The following CYP27A1 variants were observed in gnomAD, a reference collection of about 807,000 sequenced individuals.
CYP27A1 encodes the protein sterol 26-hydroxylase, mitochondrial.
A neutral mutation model predicts 58.2 loss-of-function variants in CYP27A1; 46 were observed. The ratio of observed to expected loss-of-function variants is 0.79; its 90% CI spans 0.62 to 1.01. The LOEUF is 1.01. Among genes scored for constraint, CYP27A1 ranks in the 50% least tolerant of loss-of-function variants. CYP27A1 has a pLI of 0.00. For missense variants in CYP27A1, 704 were observed against 687.0 expected (o/e 1.02, Z -0.28); for synonymous variants, 274 against 285.1 (o/e 0.96, Z 0.39).
intron 8 of CYP27A1, 63 bp from the exon 9 acceptor site, chr2:218,814,848 C>A: frequency 6.2e-7 from 1 of 1,613,996 alleles, no homozygotes; most frequent in African/African-American, 1.3e-5. Context: ...TAGGAGTGTG[C>A]AGAGCGGGGA....
chr2:218,802,050 A>T (rs144840029), intron 1 of CYP27A1, among the ~76,000 whole-genome samples: 1 of 149,812 alleles, frequency 6.7e-6, no homozygotes, highest in African/African-American at 2.5e-5. Context: ...GTGGGTTCTA[A>T]CTATACTTTC....
At chr2:218,814,506 C>A in intron 7 of CYP27A1, 39 bp from the exon 8 acceptor site, 1 of 1,612,476 alleles carries the variant, frequency 6.2e-7, no homozygotes, top group South Asian at 1.1e-5. Context: ...CCTATGCCCC[C>A]GAAGAGAGGC....
intron 1 of CYP27A1, among the ~76,000 whole-genome samples, chr2:218,808,459 T>A (rs1943673249): frequency 6.6e-6 from 1 of 152,220 alleles, no homozygotes; most frequent in Non-Finnish European, 1.5e-5. Context: ...CCTAGGAGAA[T>A]CCAGTTTTTA....
chr2:218,785,176 G>A (rs1943429589), intron 1 of CYP27A1, among the ~76,000 whole-genome samples: 1 of 152,184 alleles, frequency 6.6e-6, no homozygotes, highest in African/African-American at 2.4e-5. Flanking sequence ...CTTAAGGAGT[G>A]TGCAACCTAG....
At position 218,809,696 on chromosome 2, in the gene CYP27A1, A is replaced by G; in HGVS notation, c.375A>G (p.Pro125=). The G allele has an allele frequency of 6.2e-7, 1 of 1,614,160 alleles. No homozygotes were observed. Among genetic ancestry groups the G allele is most frequent in the Non-Finnish European group, 8.5e-7 (1 of 1,180,018 alleles). The part of the protein sequence containing the change: ...EQVMRQEGKY[P]VRNDMELWKE... The stretch of plus-strand genomic sequence containing the variant: ...TGATGCGGCAAGAGGGCAAGTACCC[A>G]GTACGGAACGACATGGAGCTATGGA... The change falls in exon 2 of 9, where the codon CCA becomes CCG. Residue 125 remains proline, a synonymous_variant. Coordinates refer to ENST00000258415, the MANE Select transcript of CYP27A1 (RefSeq NM_000784.4).
intron 1 of CYP27A1, among the ~76,000 whole-genome samples, chr2:218,784,670 C>T (rs1292830275): frequency 6.6e-6 from 1 of 152,164 alleles, no homozygotes; most frequent in Non-Finnish European, 1.5e-5. Flanking sequence ...CCCTATGAAA[C>T]TTTGTTTCCT....
Position 218,782,423 on chromosome 2 carries a change from C to A in CYP27A1, c.241C>A (p.Leu81Met), listed in dbSNP as rs370498798. 3.9e-5 allele frequency: 63 copies of A among 1,614,120 alleles called. No individual in the cohort carries two copies. Among genetic ancestry groups the A allele is most frequent in the Non-Finnish European group, 5.3e-5 (62 of 1,180,044 alleles). ...GTTCGTTCAAGGCTATGCCCTGCAA[C>A]TGCACCAGTTACAGGTAACCCGCGG... ...QLFVQGYALQ[L>M]HQLQVLYKAK... Residue 81 changes from leucine to methionine, a missense_variant, in exon 1 of 9, where the codon CTG (leucine) becomes ATG (methionine). Transcript: ENST00000258415. This position sits in a 1 kb window ranked among gnomAD's most constrained non-coding sequence, Gnocchi z 4.1.
In CYP27A1 at chr2:218,784,949, A is replaced by G. The variant is rs1044041363; in HGVS notation, c.255+2512A>G. ...CAGTTTTGTGGAAGACAATTTTTCC[A>G]TGGACTGGGGTGGTGGGGATGGTTT... On this transcript the variant is annotated intron_variant, in intron 1 of 8. Coordinates refer to ENST00000258415, the MANE Select transcript of CYP27A1 (RefSeq NM_000784.4). 6.6e-5 allele frequency among the ~76,000 whole-genome samples: 10 copies of G among 152,300 alleles called. No homozygotes were observed. The South Asian group carries it at 1.5e-3, about 22-fold the overall frequency.
In CYP27A1 at chr2:218,809,607, T is replaced by C; in HGVS notation, c.286T>C (p.Trp96Arg). ...TTACAAGGCCAAGTACGGTCCAATGTGGATGTCCTACTTAGGGCCTCAGAT... is the reference window on the plus strand; with the variant it reads ...TTACAAGGCCAAGTACGGTCCAATGCGGATGTCCTACTTAGGGCCTCAGAT... ...VLYKAKYGPM[W>R]MSYLGPQMHV... The change falls in exon 2 of 9, where the codon TGG becomes CGG. Residue 96 changes from tryptophan to arginine, a missense_variant. By Grantham distance (101) the Trp-to-Arg change is moderately radical. Coordinates refer to ENST00000258415, the MANE Select transcript of CYP27A1 (RefSeq NM_000784.4). 1.2e-6 allele frequency: 2 copies of C among 1,614,144 alleles called. No individual in the cohort carries two copies. The highest frequency in any genetic ancestry group is 1.7e-6 in the Non-Finnish European group (2 of 1,180,024).
At chr2:218,797,897 G>A (rs1045016075) in intron 1 of CYP27A1, among the ~76,000 whole-genome samples, 1 of 152,198 alleles carries the variant, frequency 6.6e-6, no homozygotes, top group African/African-American at 2.4e-5. Flanking sequence ...AATTTTGCAA[G>A]ATTAATTTTT....
chr2:218,789,824 A>G (rs2105971675), intron 1 of CYP27A1, among the ~76,000 whole-genome samples: 1 of 152,364 alleles, frequency 6.6e-6, no homozygotes. Context: ...ACTGGGAAAT[A>G]GCAGAGCAGT....
Position 218,809,776 on chromosome 2 carries a change from G to T in CYP27A1, c.446+9G>T, listed in dbSNP as rs1323849927. 6.2e-7 allele frequency: 1 copy of T among 1,611,324 alleles called. No homozygotes were observed. The highest frequency in any genetic ancestry group is 1.3e-5 in the African/African-American group (1 of 74,844). On this transcript the variant is annotated intron_variant, in intron 2 of 8. Transcript: ENST00000258415. ...TATGGGCCGTTCACCACGTGAGCTG[G>T]GGCCTGAAGGGACTGGAACAGGGCC...
intron 1 of CYP27A1, among the ~76,000 whole-genome samples, chr2:218,788,704 C>A (rs541177063): frequency 6.6e-6 from 1 of 152,114 alleles, no homozygotes; most frequent in African/African-American, 2.4e-5. Flanking sequence ...TATCTCTCTC[C>A]CTTGGACTGT....
At chr2:218,806,261 T>C (rs1199550779) in intron 1 of CYP27A1, among the ~76,000 whole-genome samples, 1 of 152,158 alleles carries the variant, frequency 6.6e-6, no homozygotes, top group Admixed American at 6.5e-5. Flanking sequence ...TTCAAAATGG[T>C]ATATATTTGT....
intron 2 of CYP27A1, among the ~76,000 whole-genome samples, chr2:218,810,390 G>C (rs914568221): frequency 6.6e-6 from 1 of 152,160 alleles, no homozygotes; most frequent in African/African-American, 2.4e-5. Flanking sequence ...CTCAGATTTA[G>C]AATCGGAGCT....
rs1324732910 is a variant in CYP27A1, at chr2:218,809,728, A to C, written c.407A>C (p.His136Pro). ...VRNDMELWKE[H>P]RDQHDLTYGP... The stretch of plus-strand genomic sequence containing the variant: ...AACGACATGGAGCTATGGAAGGAGC[A>C]CCGGGACCAGCACGACCTGACCTAT... The change falls in exon 2 of 9, where the codon CAC becomes CCC. Residue 136 changes from histidine to proline, a missense_variant. Transcript: ENST00000258415. The C allele has an allele frequency of 6.2e-7, 1 of 1,614,034 alleles. No homozygotes were observed. The highest frequency in any genetic ancestry group is 1.1e-5 in the South Asian group (1 of 91,080).
At chr2:218,793,946 T>C (rs111801916) in intron 1 of CYP27A1, among the ~76,000 whole-genome samples, 248 of 152,288 alleles carry the variant, frequency 1.6e-3, no homozygotes, top group Non-Finnish European at 2.4e-3. Flanking sequence ...ACTTTCTTCT[T>C]AGTTCAATTA....
chr2:218,814,855 G>A, intron 8 of CYP27A1, 56 bp from the exon 9 acceptor site: 2 of 1,614,084 alleles, frequency 1.2e-6, no homozygotes, highest in South Asian at 2.2e-5. Context: ...GTGCAGAGCG[G>A]GGAGTGGATG....
rs1194249690 is a variant in CYP27A1 at position 218,782,459 on chromosome 2, T to C, written c.255+22T>C. On this transcript the variant is annotated intron_variant, in intron 1 of 8. Coordinates refer to ENST00000258415, the MANE Select transcript of CYP27A1 (RefSeq NM_000784.4). This position sits in a 1 kb window ranked among gnomAD's most constrained non-coding sequence, Gnocchi z 4.1. ...ACAGGTAACCCGCGGGGGCATCGCG[T>C]CCTGGGGATGGGAGTGGGCACCGGA... 1.2e-6 allele frequency: 2 copies of C among 1,613,992 alleles called. No individual in the cohort carries two copies. Among genetic ancestry groups the C allele is most frequent in the Middle Eastern group, 1.7e-4 (1 of 6,054 alleles).
Sources: gnomAD v4.1 joint callset for allele counts (sites outside exome capture counted in the v4.1 genomes callset) on GRCh38, gnomAD v4.1.1 for gene constraint, Gnocchi (gnomAD v3.1) non-coding constraint, MANE v1.5 for transcripts, NCBI Gene and HGNC (gene_info 2026-07-23, HGNC 2026-07-21) for gene names.